The following TYW1 variants were observed in gnomAD, a reference collection of about 807,000 sequenced individuals.
TYW1 encodes S-adenosyl-L-methionine-dependent tRNA 4-demethylwyosine synthase TYW1.
In TYW1, 46 loss-of-function variants were observed where a neutral mutation model predicts 96.2. The observed-to-expected ratio is 0.48, with a 90% CI of 0.38 to 0.61. The LOEUF (loss-of-function observed/expected upper bound fraction) is 0.61, where lower values mean the gene tolerates loss of function less well. TYW1 is among the 20% of genes least tolerant of loss of function. The pLI, the probability that TYW1 is intolerant of heterozygous loss-of-function variation, is 0.00. For synonymous variants in TYW1, 274 were observed against 323.0 expected (o/e 0.85, Z 1.63); for missense variants, 684 against 909.6 (o/e 0.75, Z 3.19).
intron 6 of TYW1, among the ~76,000 whole-genome samples, chr7:67,022,509 C>T (rs192883669): frequency 4.6e-5 from 7 of 152,274 alleles, no homozygotes; most frequent in African/African-American, 7.2e-5. Flanking sequence ...ATGGGCAATA[C>T]GGAACTTCTT....
At chr7:67,219,372 C>T (rs578143986) in intron 15 of TYW1, among the ~76,000 whole-genome samples, 49 of 152,198 alleles carry the variant, frequency 3.2e-4, no homozygotes, top group African/African-American at 1.1e-3. Context: ...CTTTGTCTGG[C>T]TTTGGTATCA....
rs552367319 is a variant in TYW1 at position 67,047,942 on chromosome 7, C to T, written c.985-2007C>T. On this transcript the variant is annotated intron_variant, in intron 7 of 15. Transcript: ENST00000359626. ...AGCTGGGATTATAGGTGCCCGCCAC[C>T]ATGCCTGGCTAATTTTTGTATTTTT... is the stretch of plus-strand genomic sequence containing the variant. 1.1e-3 allele frequency among the ~76,000 whole-genome samples: 170 copies of T among 152,014 alleles called. 1 individual carries two copies. Among genetic ancestry groups the T allele is most frequent in the African/African-American group, 4.0e-3 (164 of 41,462 alleles).
At chr7:67,128,466 T>G (rs569716955) in intron 13 of TYW1, among the ~76,000 whole-genome samples, 4 of 152,304 alleles carry the variant, frequency 2.6e-5, no homozygotes, top group African/African-American at 9.6e-5. Flanking sequence ...GCCCTTTGCA[T>G]CTGGTCGGGT....
chr7:67,238,069 C>T (rs572497055), intron 15 of TYW1, among the ~76,000 whole-genome samples: 6 of 151,516 alleles, frequency 4.0e-5, no homozygotes, highest in Non-Finnish European at 7.4e-5. Context: ...ACTTGTCTTC[C>T]GGGCCCAGCA....
intron 3 of TYW1, among the ~76,000 whole-genome samples, chr7:67,004,697 C>A (rs1221568760): frequency 5.3e-5 from 8 of 152,056 alleles, no homozygotes; most frequent in Non-Finnish European, 1.0e-4. Context: ...CTGAAAGGAT[C>A]TTGTTTCTCC....
chr7:67,009,252 C>T (rs1163872559), intron 3 of TYW1, among the ~76,000 whole-genome samples: 1 of 152,188 alleles, frequency 6.6e-6, no homozygotes, highest in East Asian at 1.9e-4. Context: ...CCCACCTCAG[C>T]CTCCCAAAGT....
intron 13 of TYW1, among the ~76,000 whole-genome samples, chr7:67,124,696 C>CATT (rs1383809066): frequency 6.6e-6 from 1 of 152,134 alleles, no homozygotes; most frequent in Non-Finnish European, 1.5e-5. Context: ...GATTTCTCAA[C>CATT]ATTATAATAT....
intron 6 of TYW1, among the ~76,000 whole-genome samples, chr7:67,020,804 C>T (rs568040106): frequency 6.6e-5 from 10 of 152,368 alleles, no homozygotes; most frequent in South Asian, 2.1e-4. Flanking sequence ...CCAAGGCAGG[C>T]GGATCATGAG....
intron 15 of TYW1, among the ~76,000 whole-genome samples, chr7:67,232,354 A>G (rs1801774147): frequency 6.6e-6 from 1 of 151,954 alleles, no homozygotes; most frequent in Non-Finnish European, 1.5e-5. Context: ...AGCCTGGCCA[A>G]CATGGTGCAA....
intron 13 of TYW1, among the ~76,000 whole-genome samples, chr7:67,132,450 A>G (rs566816782): frequency 3.9e-5 from 6 of 152,280 alleles, no homozygotes; most frequent in East Asian, 1.9e-4. Flanking sequence ...GTATAACTCC[A>G]TAAGTAACAG....
intron 9 of TYW1, among the ~76,000 whole-genome samples, chr7:67,064,473 A>AT (rs1795797816): frequency 6.6e-6 from 1 of 152,234 alleles, no homozygotes; most frequent in Non-Finnish European, 1.5e-5. Flanking sequence ...TGATAAAGAC[A>AT]TACCCAAGAC....
intron 14 of TYW1, among the ~76,000 whole-genome samples, chr7:67,184,643 TTTTATTTATGTTATG>T (rs1278192377): frequency 0.052 from 1,950 of 37,798 alleles, 32 homozygotes; most frequent in Middle Eastern, 0.12. Flanking sequence ...TTTTATTTTA[TTTTATTTATGTTATG>T]TTATGTTATG....
chr7:67,051,332 G>T (rs1795348507), intron 8 of TYW1, among the ~76,000 whole-genome samples: 1 of 151,498 alleles, frequency 6.6e-6, no homozygotes, highest in Non-Finnish European at 1.5e-5. Flanking sequence ...TGGTTGAGTC[G>T]GGTCTTGCTC....
intron 15 of TYW1, among the ~76,000 whole-genome samples, chr7:67,208,789 G>T (rs1167912851): frequency 6.6e-6 from 1 of 151,086 alleles, no homozygotes; most frequent in African/African-American, 2.4e-5. Context: ...CATTAAATTT[G>T]TAAGATTTTC....
chr7:67,174,598 GTT>G (rs200441951), intron 13 of TYW1, among the ~76,000 whole-genome samples: 2 of 143,856 alleles, frequency 1.4e-5, no homozygotes, highest in African/African-American at 2.5e-5. Flanking sequence ...TACCCACAAT[GTT>G]TTTTTTTTTA....
chr7:67,016,565 A>G (rs1217079406), intron 5 of TYW1, among the ~76,000 whole-genome samples: 1 of 152,136 alleles, frequency 6.6e-6, no homozygotes, highest in East Asian at 1.9e-4. Context: ...ATAAATAAAT[A>G]AAATAAAAGC....
chr7:67,165,066 C>T (rs1294857318), intron 13 of TYW1, among the ~76,000 whole-genome samples: 1 of 151,378 alleles, frequency 6.6e-6, no homozygotes, highest in Non-Finnish European at 1.5e-5. Context: ...GAATTACACT[C>T]CCACCGTCAA....
At chr7:67,100,148 C>T (rs1300704700) in intron 12 of TYW1, among the ~76,000 whole-genome samples, 1 of 152,022 alleles carries the variant, frequency 6.6e-6, no homozygotes, top group Non-Finnish European at 1.5e-5. Context: ...GGCCCCATAA[C>T]AGCAGAGGGC....
chr7:67,095,589 C>T (rs1261904171), intron 11 of TYW1, among the ~76,000 whole-genome samples: 5 of 151,746 alleles, frequency 3.3e-5, no homozygotes, highest in Non-Finnish European at 7.4e-5. Flanking sequence ...ACCCGGGAGG[C>T]GGAGGTTGCA....
Sources: allele counts gnomAD v4.1 joint callset (sites outside exome capture counted in the v4.1 genomes callset), GRCh38; gene constraint gnomAD v4.1.1; transcripts MANE v1.5; gene names NCBI Gene and HGNC (gene_info 2026-07-23, HGNC 2026-07-21).